Variants in SESTD1 observed in about 807,000 individuals in gnomAD.
The protein encoded by SESTD1 is SEC14 domain and spectrin repeat-containing protein 1.
A neutral mutation model predicts 101.7 loss-of-function variants in SESTD1; 43 were observed. The observed-to-expected ratio is 0.42, with a 90% CI of 0.33 to 0.55. SESTD1 has a LOEUF of 0.55. Among genes scored for constraint, SESTD1 ranks in the 20% least tolerant of loss-of-function variants. The probability of loss-of-function intolerance (pLI) is 0.07; values close to 1 mark genes in which losing one functional copy is unlikely to be tolerated. For missense variants in SESTD1, 647 were observed against 815.1 expected, an observed-to-expected ratio of 0.79 and a Z score of 2.51; for synonymous variants, 283 against 286.8, an observed-to-expected ratio of 0.99 and a Z score of 0.13.
chr2:179,226,777 T>C (rs1467337918), intron 1 of SESTD1, among the ~76,000 whole-genome samples: 1 of 152,246 alleles, frequency 6.6e-6, no homozygotes, highest in Non-Finnish European at 1.5e-5. Context: ...CTAAAATAGA[T>C]GTTGGCTATG....
Position 179,104,182 on chromosome 2 carries a change from T to A in SESTD1, c.*5717A>T, listed in dbSNP as rs1438857235. The A allele has an allele frequency of 6.6e-6, 1 of 152,122 alleles. No individual in the cohort carries two copies. The highest frequency in any genetic ancestry group is 6.6e-5 in the Admixed American group (1 of 15,246). 9.4% of individuals were successfully genotyped at this position (152,122 alleles called of 1,614,324 possible). A position where few individuals can be genotyped will look rare whatever the true frequency, so the allele number is the denominator to read the frequency against. On this transcript the variant is annotated 3_prime_UTR_variant, in exon 18 of 18. Transcript: ENST00000428443. Reference sequence around the variant, plus strand: ...TTCTAAGTGTCCATTGAGAAGTAAGTTTCTCTTAAAGGCTTCTGAGACTAT... The same window carrying A: ...TTCTAAGTGTCCATTGAGAAGTAAGATTCTCTTAAAGGCTTCTGAGACTAT...
chr2:179,128,991 G>A (rs1005320395), intron 10 of SESTD1, among the ~76,000 whole-genome samples: 3 of 152,136 alleles, frequency 2.0e-5, no homozygotes, highest in African/African-American at 4.8e-5. Context: ...TGGCAGTGAC[G>A]CATACTTGGT....
At chr2:179,233,981 T>C (rs1048185339) in intron 1 of SESTD1, among the ~76,000 whole-genome samples, 3 of 152,220 alleles carry the variant, frequency 2.0e-5, no homozygotes, top group Admixed American at 6.5e-5. Flanking sequence ...AGGTATTTGG[T>C]TAAACATTTT....
chr2:179,156,118 A>G (rs981293089), intron 5 of SESTD1, among the ~76,000 whole-genome samples: 23 of 151,818 alleles, frequency 1.5e-4, no homozygotes, highest in Non-Finnish European at 2.4e-4. Flanking sequence ...GTATATATAT[A>G]TATGTGTGTA....
At position 179,203,123 on chromosome 2, in the gene SESTD1, A is replaced by G; in HGVS notation, c.-25-11257T>C. ...TGAACAACTCTTCTGACAGATGGTT[A>G]ATCACAAACAACCTGCAGGCACAAT... On this transcript the variant is annotated intron_variant, in intron 1 of 17. Transcript: ENST00000428443. 1.5e-5 allele frequency among the ~76,000 whole-genome samples: 2 copies of G among 134,726 alleles called. 1 individual carries two copies. The allele number at this position is 134,726 out of a possible 152,430, so 88.4% of individuals were successfully genotyped here. A position where few individuals can be genotyped will look rare whatever the true frequency, so the allele number is the denominator to read the frequency against.
intron 9 of SESTD1, among the ~76,000 whole-genome samples, chr2:179,134,933 T>G (rs1321204625): frequency 1.3e-5 from 2 of 152,040 alleles, no homozygotes; most frequent in Non-Finnish European, 2.9e-5. Context: ...AAACTATTGG[T>G]TTTTTTGTTG....
intron 10 of SESTD1, among the ~76,000 whole-genome samples, chr2:179,130,034 GAAATA>G (rs1244955749): frequency 6.6e-6 from 1 of 152,038 alleles, no homozygotes; most frequent in Non-Finnish European, 1.5e-5. Context: ...ATGATTTAAG[GAAATA>G]AAATCTCTTG....
chr2:179,154,672 G>A (rs370975287), intron 5 of SESTD1, among the ~76,000 whole-genome samples: 3 of 151,894 alleles, frequency 2.0e-5, no homozygotes, highest in African/African-American at 7.2e-5. Context: ...TATACCACAG[G>A]GATACTTTCA....
rs145274700 is a variant in SESTD1, at chr2:179,129,045, A to G, written c.972+3259T>C. Reference sequence around the variant, plus strand: ...ACTTTATACCATGAAATGTGAATCCATATGTAGGCAGAAGGAAACAGTGCC... The same window carrying G: ...ACTTTATACCATGAAATGTGAATCCGTATGTAGGCAGAAGGAAACAGTGCC... On this transcript the variant is annotated intron_variant, in intron 10 of 17. Coordinates refer to ENST00000428443, the MANE Select transcript of SESTD1 (RefSeq NM_178123.5). Among the ~76,000 whole-genome samples, 11 of 152,352 alleles carry G rather than the reference A, an allele frequency of 7.2e-5. No individual in the cohort carries two copies. In the East Asian group the frequency reaches 2.1e-3, roughly 29 times the overall value.
intron 5 of SESTD1, among the ~76,000 whole-genome samples, chr2:179,158,704 A>G (rs1416804510): frequency 6.6e-6 from 1 of 152,238 alleles, no homozygotes; most frequent in Non-Finnish European, 1.5e-5. Context: ...AGAGCTACAG[A>G]AAACTCATTT....
Position 179,118,956 on chromosome 2 carries a change from A to C in SESTD1, c.1443-1343T>G, listed in dbSNP as rs186117471. Among the ~76,000 whole-genome samples the C allele has an allele frequency of 3.0e-3, 457 of 152,370 alleles. 6 individuals carry two copies. Among genetic ancestry groups the C allele is most frequent in the African/African-American group, 0.011 (440 of 41,586 alleles). On this transcript the variant is annotated intron_variant, in intron 13 of 17. Transcript: ENST00000428443. ...AGTAAGTAGGAATTCACTGAGCAGA[A>C]AACAAGGAAACAAGTATTCTTAGTC... is the stretch of plus-strand genomic sequence containing the variant.
chr2:179,263,307 G>A (rs1574076928), intron 1 of SESTD1, among the ~76,000 whole-genome samples: 1 of 152,148 alleles, frequency 6.6e-6, no homozygotes, highest in South Asian at 2.1e-4. Context: ...AATGAAACCA[G>A]CTAGGTATTG....
intron 1 of SESTD1, among the ~76,000 whole-genome samples, chr2:179,237,019 C>CTAAAACCAAACTGAATA (rs2047078605): frequency 6.6e-6 from 1 of 151,790 alleles, no homozygotes; most frequent in Admixed American, 6.6e-5. Context: ...TTTTCTTGAT[C>CTAAAACCAAACTGAATA]TAAAACCAAA....
chr2:179,217,256 G>A (rs2046736442), intron 1 of SESTD1, among the ~76,000 whole-genome samples: 1 of 152,114 alleles, frequency 6.6e-6, no homozygotes, highest in Non-Finnish European at 1.5e-5. Flanking sequence ...CTAATATCCA[G>A]AATCTACAAA....
At chr2:179,263,553 G>A (rs2047512388) in intron 1 of SESTD1, among the ~76,000 whole-genome samples, 1 of 152,124 alleles carries the variant, frequency 6.6e-6, no homozygotes, top group Non-Finnish European at 1.5e-5. Context: ...CTTGACACAA[G>A]CAAAACGTGA....
intron 5 of SESTD1, among the ~76,000 whole-genome samples, chr2:179,152,946 C>T (rs1424794660): frequency 6.6e-6 from 1 of 151,954 alleles, no homozygotes; most frequent in African/African-American, 2.4e-5. Flanking sequence ...TAAGATATTA[C>T]AGGGGCTCAA....
chr2:179,102,814 A>AT lies in SESTD1; in HGVS notation c.*7084dup. On this transcript the variant is annotated 3_prime_UTR_variant, in exon 18 of 18. Coordinates refer to ENST00000428443, the MANE Select transcript of SESTD1 (RefSeq NM_178123.5). ...TGAATAAAGAGACAATATTGAAAAT[A>AT]TTTTTAAACGCTAAAATGTCCCGTA... 6.6e-6 allele frequency: 1 copy of AT among 152,204 alleles called. No homozygotes were observed. The highest frequency in any genetic ancestry group is 3.4e-3 in the Middle Eastern group (1 of 294). The allele number at this position is 152,204 out of a possible 1,614,324, so 9.4% of individuals were successfully genotyped here. A position where few individuals can be genotyped will look rare whatever the true frequency, so the allele number is the denominator to read the frequency against.
intron 2 of SESTD1, among the ~76,000 whole-genome samples, chr2:179,186,225 GT>G (rs967626693): frequency 5.9e-5 from 9 of 151,930 alleles, no homozygotes; most frequent in African/African-American, 2.2e-4. Context: ...ATAACTCTGA[GT>G]TGGCAGAGCT....
intron 4 of SESTD1, chr2:179,174,309 C>A (rs2045973465): frequency 5.3e-6 from 2 of 380,926 alleles, no homozygotes. Flanking sequence ...ATTGCAACTT[C>A]TGAAAATGTT....
Sources: gnomAD v4.1 joint callset for allele counts (sites outside exome capture counted in the v4.1 genomes callset) on GRCh38, gnomAD v4.1.1 for gene constraint, MANE v1.5 for transcripts, NCBI Gene and HGNC (gene_info 2026-07-23, HGNC 2026-07-21) for gene names.